The following PRCP variants were observed in gnomAD, a reference collection of about 807,000 sequenced individuals.
The protein encoded by PRCP is prolylcarboxypeptidase.
In PRCP, 46 loss-of-function variants were observed where a neutral mutation model predicts 54.2. That is an observed-to-expected ratio of 0.85 (90% confidence interval 0.67 to 1.09). PRCP has a LOEUF of 1.09. Ranked by LOEUF, PRCP falls within the 50% of genes least tolerant of loss-of-function variation. PRCP has a pLI of 0.00. For missense variants in PRCP, 613 were observed against 596.8 expected (o/e 1.03, Z -0.28); for synonymous variants, 240 against 212.2 (o/e 1.13, Z -1.14).
intron 6 of PRCP, among the ~76,000 whole-genome samples, chr11:82,844,188 GTTA>G (rs969428258): frequency 3.9e-5 from 6 of 152,042 alleles, no homozygotes. Context: ...CATTACAATT[GTTA>G]TTATACACAT....
At chr11:82,882,598 C>T (rs1379138698) in intron 1 of PRCP, among the ~76,000 whole-genome samples, 9 of 149,276 alleles carry the variant, frequency 6.0e-5, no homozygotes, top group African/African-American at 2.3e-4. Context: ...CGGGTTCACG[C>T]CATTCTCCTG....
chr11:82,838,284 T>C lies in PRCP; in HGVS notation c.1274+103A>G, dbSNP rs1858573014. On this transcript the variant is annotated intron_variant, in intron 8 of 8. Coordinates refer to ENST00000313010, the MANE Select transcript of PRCP (RefSeq NM_005040.4). ...AAACATGACAGGTAGCACTGTTGTA[T>C]TCTATGTTGTTATATTGTCCAGCAT... is the stretch of plus-strand genomic sequence containing the variant. The C allele has an allele frequency of 2.7e-6, 3 of 1,110,692 alleles. No individual in the cohort carries two copies. In the Admixed American group the frequency reaches 6.9e-5, roughly 26 times the overall value. 68.8% of individuals were successfully genotyped at this position (1,110,692 alleles called of 1,614,324 possible). A position where few individuals can be genotyped will look rare whatever the true frequency, so the allele number is the denominator to read the frequency against.
At chr11:82,841,503 A>G (rs545899694) in intron 6 of PRCP, among the ~76,000 whole-genome samples, 1 of 152,326 alleles carries the variant, frequency 6.6e-6, no homozygotes, top group African/African-American at 2.4e-5. Flanking sequence ...AACCTTTAAC[A>G]TGCTCAAATG....
chr11:82,837,549 C>G (rs1406287476), intron 8 of PRCP, among the ~76,000 whole-genome samples: 1 of 152,182 alleles, frequency 6.6e-6, no homozygotes, highest in Non-Finnish European at 1.5e-5. Context: ...AATAAAAGAA[C>G]TTCTAAAAGA....
intron 1 of PRCP, among the ~76,000 whole-genome samples, chr11:82,894,349 G>T (rs902801855): frequency 6.6e-6 from 1 of 152,158 alleles, no homozygotes; most frequent in South Asian, 2.1e-4. Flanking sequence ...ATGGGTCTGT[G>T]TCTTATTCAA....
At chr11:82,890,148 C>G (rs575212978) in intron 1 of PRCP, among the ~76,000 whole-genome samples, 3 of 152,218 alleles carry the variant, frequency 2.0e-5, no homozygotes, top group African/African-American at 7.2e-5. Flanking sequence ...AATGGCCTTA[C>G]TAACTTACAT....
intron 2 of PRCP, among the ~76,000 whole-genome samples, chr11:82,856,027 C>T (rs1006960743): frequency 6.6e-6 from 1 of 152,120 alleles, no homozygotes. Context: ...AAAAATAGGC[C>T]AGGTGTGGCG....
chr11:82,825,169 GT>G (rs775319489), intron 8 of PRCP, 47 bp from the exon 9 acceptor site: 29 of 1,507,270 alleles, frequency 1.9e-5, no homozygotes, highest in Non-Finnish European at 2.5e-5. Context: ...AGTTTTTCAT[GT>G]TAACACTCAG....
chr11:82,826,242 G>A (rs1236839239), intron 8 of PRCP: 1 of 152,142 alleles, frequency 6.6e-6, no homozygotes, highest in African/African-American at 2.4e-5. Context: ...TTTTGTAACT[G>A]GTCTCTTTCA....
chr11:82,875,455 A>G (rs970186164), intron 1 of PRCP, among the ~76,000 whole-genome samples: 3 of 152,220 alleles, frequency 2.0e-5, no homozygotes, highest in African/African-American at 7.2e-5. Context: ...AACAGATCCT[A>G]CAATTACTCA....
intron 1 of PRCP, among the ~76,000 whole-genome samples, chr11:82,882,125 G>A (rs1057457585): frequency 6.6e-6 from 1 of 152,068 alleles, no homozygotes; most frequent in Non-Finnish European, 1.5e-5. Flanking sequence ...GGCTGAACAG[G>A]AGGAGGAGAA....
At chr11:82,862,832 A>T (rs1229743683) in intron 1 of PRCP, among the ~76,000 whole-genome samples, 1 of 152,248 alleles carries the variant, frequency 6.6e-6, no homozygotes, top group Non-Finnish European at 1.5e-5. Context: ...TCATTCACTC[A>T]ACAAGAATCT....
At chr11:82,845,035 A>T (rs1391957621) in intron 6 of PRCP, among the ~76,000 whole-genome samples, 2 of 76,884 alleles carry the variant, frequency 2.6e-5, no homozygotes, top group Non-Finnish European at 5.0e-5. Context: ...ATGTAATAGT[A>T]AAAAAAAAAA....
chr11:82,826,868 T>G (rs1371337773), intron 8 of PRCP: 2 of 152,216 alleles, frequency 1.3e-5, no homozygotes, highest in African/African-American at 2.4e-5. Flanking sequence ...AACAAAAGCA[T>G]GAGCTTTGGG....
chr11:82,886,778 A>C (rs1859872516), intron 1 of PRCP, among the ~76,000 whole-genome samples: 1 of 152,086 alleles, frequency 6.6e-6, no homozygotes. Context: ...AATTGTAGTA[A>C]CTCCCTACAG....
At chr11:82,883,356 A>G (rs1388408526) in intron 1 of PRCP, among the ~76,000 whole-genome samples, 6 of 152,192 alleles carry the variant, frequency 3.9e-5, no homozygotes, top group African/African-American at 1.4e-4. Flanking sequence ...AAGGAGGAAG[A>G]CAAACCATTC....
chr11:82,837,106 C>T, intron 8 of PRCP: 1 of 220,958 alleles, frequency 4.5e-6, no homozygotes, highest in South Asian at 7.6e-5. Context: ...CACAATCCTG[C>T]AGAAGGGCAT....
At position 82,838,374 on chromosome 11, in the gene PRCP, A is replaced by G. The variant is rs771462508; in HGVS notation, c.1274+13T>C. On this transcript the variant is annotated intron_variant, in intron 8 of 8. Coordinates refer to ENST00000313010, the MANE Select transcript of PRCP (RefSeq NM_005040.4). Reference sequence around the variant, plus strand: ...CACCAACTGAAGTTTATCTTTGGACAGCAAAAACTCACCTGAAAACAATGT... The same window carrying G: ...CACCAACTGAAGTTTATCTTTGGACGGCAAAAACTCACCTGAAAACAATGT... 2 of 1,591,358 alleles carry G rather than the reference A, an allele frequency of 1.3e-6. No homozygotes were observed. The highest frequency in any genetic ancestry group is 2.3e-5 in the South Asian group (2 of 87,072).
At chr11:82,901,448 C>G (rs1042562751), upstream of PRCP, 1 of 160,760 alleles carries the variant, frequency 6.2e-6, no homozygotes, top group Admixed American at 5.8e-5. Flanking sequence ...TCCATTCCCT[C>G]TTTCAGTCAC....
Sources: gnomAD v4.1 joint callset for allele counts (sites outside exome capture counted in the v4.1 genomes callset) on GRCh38, gnomAD v4.1.1 for gene constraint, MANE v1.5 for transcripts, NCBI Gene and HGNC (gene_info 2026-07-23, HGNC 2026-07-21) for gene names.